The following NTM variants were observed in gnomAD, a reference collection of about 807,000 sequenced individuals.
NTM encodes IgLON family member 2.
Under a neutral mutation model 42.1 loss-of-function variants are expected in NTM, and 13 were observed. The observed-to-expected ratio is 0.31, with a 90% confidence interval of 0.20 to 0.49. The LOEUF (loss-of-function observed/expected upper bound fraction) is 0.49, where lower values mean the gene tolerates loss of function less well. Among genes scored for constraint, NTM ranks in the 20% least tolerant of loss-of-function variants. The pLI is 0.99. For synonymous variants in NTM, 187 were observed against 179.2 expected (o/e 1.04, Z -0.35); for missense variants, 373 against 452.8 (o/e 0.82, Z 1.60).
chr11:131,965,652 T>C (rs2062745338), intron 2 of NTM, among the ~76,000 whole-genome samples: 1 of 152,114 alleles, frequency 6.6e-6, no homozygotes, highest in African/African-American at 2.4e-5. Context: ...CGCTGATCAG[T>C]GGTGGAGCTG....
In NTM at chr11:131,914,387, C is replaced by T. The variant is rs575348204; in HGVS notation, c.167+2739C>T. On this transcript the variant is annotated intron_variant, in intron 2 of 8. Transcript: ENST00000683400. Reference sequence around the variant, plus strand: ...CCACAACTAGGGGAGACCAGAGCACCCGTGCTCTGGCCTGGAGGGCCGCCA... The same window carrying T: ...CCACAACTAGGGGAGACCAGAGCACTCGTGCTCTGGCCTGGAGGGCCGCCA... Among the ~76,000 whole-genome samples the T allele has an allele frequency of 1.3e-3, 201 of 152,194 alleles. 1 individual carries two copies. Among genetic ancestry groups the T allele is most frequent in the African/African-American group, 4.3e-3 (180 of 41,522 alleles).
At chr11:131,550,121 C>T (rs994545774) in intron 1 of NTM, among the ~76,000 whole-genome samples, 1 of 152,158 alleles carries the variant, frequency 6.6e-6, no homozygotes. Flanking sequence ...AACAGGATGA[C>T]AAGAAGAACA....
At chr11:131,431,640 A>G (rs1948660901) in intron 1 of NTM, among the ~76,000 whole-genome samples, 1 of 152,176 alleles carries the variant, frequency 6.6e-6, no homozygotes, top group African/African-American at 2.4e-5. Flanking sequence ...AACATCACTC[A>G]TGATTGCAGT....
At chr11:132,321,875 A>T (rs1390689920) in intron 7 of NTM, among the ~76,000 whole-genome samples, 1 of 149,958 alleles carries the variant, frequency 6.7e-6, no homozygotes, top group African/African-American at 2.5e-5. Context: ...GCCAATATTC[A>T]ACATTCTTAA....
At chr11:131,806,143 T>C (rs1168324270) in intron 1 of NTM, among the ~76,000 whole-genome samples, 1 of 152,126 alleles carries the variant, frequency 6.6e-6, no homozygotes, top group Admixed American at 6.5e-5. Context: ...GCCAATGAGG[T>C]AAATTAGATT....
At chr11:131,947,723 G>T (rs1334585672) in intron 2 of NTM, among the ~76,000 whole-genome samples, 2 of 152,130 alleles carry the variant, frequency 1.3e-5, no homozygotes, top group Admixed American at 1.3e-4. Flanking sequence ...GTATATGGGG[G>T]TGGCTAACAT....
chr11:131,690,177 T>A (rs2074475793), intron 1 of NTM, among the ~76,000 whole-genome samples: 1 of 151,950 alleles, frequency 6.6e-6, no homozygotes, highest in South Asian at 2.1e-4. Context: ...GGAATCCAGA[T>A]GAGAGGAGAG....
At chr11:131,497,339 C>T (rs113249705) in intron 1 of NTM, among the ~76,000 whole-genome samples, 16,784 of 151,582 alleles carry the variant, frequency 0.11, 1,242 homozygotes, top group South Asian at 0.19. Context: ...CAGGCTCCTG[C>T]CACCATGCCT....
At chr11:131,486,883 A>T (rs10736598) in intron 1 of NTM, among the ~76,000 whole-genome samples, 2 of 152,064 alleles carry the variant, frequency 1.3e-5, no homozygotes, top group South Asian at 2.1e-4. Context: ...GCGGGATGCC[A>T]GCCCTGGATG....
intron 4 of NTM, among the ~76,000 whole-genome samples, chr11:132,293,506 G>T (rs891600643): frequency 6.6e-6 from 1 of 152,080 alleles, no homozygotes; most frequent in African/African-American, 2.4e-5. Flanking sequence ...AAAAGGGTGG[G>T]GAGGATGTGG....
intron 1 of NTM, among the ~76,000 whole-genome samples, chr11:131,666,810 G>A (rs2134564955): frequency 6.6e-6 from 1 of 152,326 alleles, no homozygotes; most frequent in East Asian, 1.9e-4. Context: ...TACCATTCCA[G>A]TGGGATGACT....
chr11:131,792,252 T>A (rs761392673), intron 1 of NTM, among the ~76,000 whole-genome samples: 3 of 152,030 alleles, frequency 2.0e-5, no homozygotes, highest in Non-Finnish European at 4.4e-5. Context: ...CACACAAAAA[T>A]AAACAACAAA....
At chr11:131,898,562 C>T (rs2052652155) in intron 1 of NTM, among the ~76,000 whole-genome samples, 1 of 152,180 alleles carries the variant, frequency 6.6e-6, no homozygotes, top group Admixed American at 6.5e-5. Flanking sequence ...TTCATCTCTT[C>T]CAGCAGTCTG....
chr11:131,891,623 C>G (rs753525382), intron 1 of NTM, among the ~76,000 whole-genome samples: 2 of 152,108 alleles, frequency 1.3e-5, no homozygotes, highest in Non-Finnish European at 2.9e-5. Flanking sequence ...CACCAGTGGC[C>G]ACTGGAAAGC....
chr11:131,948,986 TTCTC>T (rs996051847), intron 2 of NTM, among the ~76,000 whole-genome samples: 2 of 152,202 alleles, frequency 1.3e-5, no homozygotes, highest in African/African-American at 2.4e-5. Context: ...AACTCCACGT[TTCTC>T]CCTCCCTCCA....
At chr11:131,800,744 C>G (rs917825812) in intron 1 of NTM, among the ~76,000 whole-genome samples, 1 of 152,150 alleles carries the variant, frequency 6.6e-6, no homozygotes, top group Admixed American at 6.5e-5. Flanking sequence ...TGCAATTTGG[C>G]CTTGCACATC....
intron 1 of NTM, among the ~76,000 whole-genome samples, chr11:131,490,433 G>C (rs1954655450): frequency 2.0e-5 from 3 of 152,200 alleles, no homozygotes; most frequent in Admixed American, 2.0e-4. Flanking sequence ...ACAACAACAA[G>C]TATTTCCTTG....
intron 1 of NTM, among the ~76,000 whole-genome samples, chr11:131,883,456 G>C (rs911840777): frequency 6.6e-6 from 1 of 152,090 alleles, no homozygotes; most frequent in Non-Finnish European, 1.5e-5. Context: ...AGACACCTTT[G>C]AGTTATGGCC....
chr11:132,010,384 T>C (rs1415095471), intron 2 of NTM, among the ~76,000 whole-genome samples: 1 of 152,186 alleles, frequency 6.6e-6, no homozygotes, highest in African/African-American at 2.4e-5. Context: ...GGATGACAGA[T>C]ACAGTCTAAA....
Sources: allele counts gnomAD v4.1 joint callset (sites outside exome capture counted in the v4.1 genomes callset), GRCh38; gene constraint gnomAD v4.1.1; transcripts MANE v1.5; gene names NCBI Gene and HGNC (gene_info 2026-07-23, HGNC 2026-07-21).